Variants in DPYSL2 observed in about 807,000 individuals in gnomAD.
The protein encoded by DPYSL2 is dihydropyrimidinase like 2.
Under a neutral mutation model 69.9 loss-of-function variants are expected in DPYSL2, and 13 were observed. The observed-to-expected ratio is 0.19, with a 90% confidence interval of 0.12 to 0.30. The LOEUF (loss-of-function observed/expected upper bound fraction) is 0.30. DPYSL2 is among the 10% of genes least tolerant of loss of function. The probability of loss-of-function intolerance (pLI) is 1.00; values close to 1 mark genes in which losing one functional copy is unlikely to be tolerated. For missense variants in DPYSL2, 587 were observed against 918.9 expected (o/e 0.64, Z 4.67); for synonymous variants, 326 against 359.1 (o/e 0.91, Z 1.04).
chr8:26,641,429 G>T lies in DPYSL2; in HGVS notation c.1127-2010G>T, dbSNP rs1286814090. 6.6e-6 allele frequency among the ~76,000 whole-genome samples: 1 copy of T among 152,218 alleles called. No individual in the cohort carries two copies. The highest frequency in any genetic ancestry group is 1.5e-5 in the Non-Finnish European group (1 of 68,034). On this transcript the variant is annotated intron_variant, in intron 8 of 13. Coordinates refer to ENST00000521913, the MANE Select transcript of DPYSL2 (RefSeq NM_001197293.3). The surrounding 1 kb of genome is among the most constrained non-coding windows in gnomAD (Gnocchi z 4.1). ...AGGAGAGTTTTGCTTAACCAGATCT[G>T]TTTGATCCTTGAACCAAAAGCGGGG...
rs903774152 is a variant in DPYSL2, at chr8:26,514,281, AGACG to A, written c.-31_-28del. The A allele has an allele frequency of 3.6e-5, 51 of 1,406,556 alleles. No individual in the cohort carries two copies. Among genetic ancestry groups the A allele is most frequent in the Admixed American group, 1.8e-4 (6 of 33,908 alleles). The allele number at this position is 1,406,556 out of a possible 1,614,324, so 87.1% of individuals were successfully genotyped here. A position where few individuals can be genotyped will look rare whatever the true frequency, so the allele number is the denominator to read the frequency against. ...CAGCGAGGGAGACTTAGGGACTGGC[AGACG>A]GACGGACGGACGGCGAGGACCCTAC... On this transcript the variant is annotated 5_prime_UTR_variant, in exon 1 of 14. Transcript: ENST00000521913. The surrounding 1 kb of genome is among the most constrained non-coding windows in gnomAD (Gnocchi z 8.4).
At chr8:26,534,407 C>G (rs556951737) in intron 1 of DPYSL2, among the ~76,000 whole-genome samples, 2 of 152,132 alleles carry the variant, frequency 1.3e-5, no homozygotes, top group African/African-American at 2.4e-5. Context: ...GATCCACCCC[C>G]CTTACCCTCC....
At chr8:26,553,398 G>A (rs1232108133) in intron 1 of DPYSL2, among the ~76,000 whole-genome samples, 2 of 151,940 alleles carry the variant, frequency 1.3e-5, no homozygotes, top group Non-Finnish European at 2.9e-5. Context: ...CCTTAAGTAG[G>A]CCACAGTGTC....
At chr8:26,532,995 G>A (rs920881703) in intron 1 of DPYSL2, among the ~76,000 whole-genome samples, 11 of 152,164 alleles carry the variant, frequency 7.2e-5, no homozygotes, top group Non-Finnish European at 1.6e-4. Flanking sequence ...GTGTATGAGG[G>A]TTAGTGTATG....
In DPYSL2 at chr8:26,652,784, G is replaced by A. The variant is rs555342186; in HGVS notation, c.1776+348G>A. 6.6e-6 allele frequency among the ~76,000 whole-genome samples: 1 copy of A among 152,282 alleles called. No individual in the cohort carries two copies. Among genetic ancestry groups the A allele is most frequent in the East Asian group, 1.9e-4 (1 of 5,190 alleles). ...AGTAGGAGTTTGTCAAGTCAAAGAA[G>A]GGAGATGAGGGAATTTGATAAGAGT... On this transcript the variant is annotated intron_variant, in intron 12 of 13. Transcript: ENST00000521913. This position sits in a 1 kb window ranked among gnomAD's most constrained non-coding sequence, Gnocchi z 6.3.
intron 8 of DPYSL2, among the ~76,000 whole-genome samples, chr8:26,639,031 C>T (rs946224309): frequency 6.6e-6 from 1 of 152,190 alleles, no homozygotes; most frequent in Non-Finnish European, 1.5e-5. Flanking sequence ...TCTCCCATAA[C>T]CCGGGTGCAG....
intron 1 of DPYSL2, among the ~76,000 whole-genome samples, chr8:26,579,058 G>A (rs1198720807): frequency 6.6e-6 from 1 of 152,224 alleles, no homozygotes; most frequent in Non-Finnish European, 1.5e-5. Flanking sequence ...CGCTCAGGAG[G>A]CGTCCGTGTT....
intron 3 of DPYSL2, among the ~76,000 whole-genome samples, chr8:26,606,812 C>A (rs559704681): frequency 6.6e-6 from 1 of 152,058 alleles, no homozygotes; most frequent in African/African-American, 2.4e-5. Flanking sequence ...ATACTTCAGG[C>A]AAATATGATA....
chr8:26,643,713 C>T lies in DPYSL2; in HGVS notation c.1283+118C>T. On this transcript the variant is annotated intron_variant, in intron 9 of 13. Transcript: ENST00000521913. The surrounding 1 kb of genome is among the most constrained non-coding windows in gnomAD (Gnocchi z 6.5). ...GCCATAAAACTGGGAGACCCTTGTT[C>T]ACCAAACTAGGTTGGCTACATGAGT... 2 of 1,453,240 alleles carry T rather than the reference C, an allele frequency of 1.4e-6. No homozygotes were observed. The highest frequency in any genetic ancestry group is 2.3e-5 in the East Asian group (1 of 43,320). 90.0% of individuals were successfully genotyped at this position (1,453,240 alleles called of 1,614,324 possible).
intron 3 of DPYSL2, among the ~76,000 whole-genome samples, chr8:26,594,170 T>G (rs895630417): frequency 7.2e-5 from 11 of 152,218 alleles, no homozygotes; most frequent in Non-Finnish European, 1.6e-4. Flanking sequence ...TTTCCACATG[T>G]GTAAAGTGGA....
chr8:26,615,862 A>C (rs1057174591), intron 3 of DPYSL2, among the ~76,000 whole-genome samples: 1 of 152,222 alleles, frequency 6.6e-6, no homozygotes, highest in African/African-American at 2.4e-5. Context: ...TATTTGTACA[A>C]GGCAAGTAGT....
chr8:26,529,122 C>T (rs2117608971), intron 1 of DPYSL2, among the ~76,000 whole-genome samples: 1 of 152,172 alleles, frequency 6.6e-6, no homozygotes, highest in East Asian at 1.9e-4. Context: ...CCCCAGATGG[C>T]AAAGCATCAG....
rs1382271023 is a variant in DPYSL2, at chr8:26,652,383, C to A, written c.1723C>A (p.Pro575Thr). 1 of 1,614,040 alleles carries A rather than the reference C, an allele frequency of 6.2e-7. No homozygotes were observed. Residue 575 changes from proline to threonine, a missense_variant, in exon 12 of 14, where the codon CCC (proline) becomes ACC (threonine). By Grantham distance (38) the Pro-to-Thr change is conservative. Around this residue, in one of 3 missense-constraint regions of DPYSL2, gnomAD observed 452 missense variants for 754.3 expected, o/e 0.60. Coordinates refer to ENST00000521913, the MANE Select transcript of DPYSL2 (RefSeq NM_001197293.3). This position sits in a 1 kb window ranked among gnomAD's most constrained non-coding sequence, Gnocchi z 6.3. ...HVTEGSGRYI[P>T]RKPFPDFVYK... ...CACCGAAGGCTCTGGACGCTACATTCCCCGGAAGCCCTTCCCTGATTTTGT... is the reference window on the plus strand; with the variant it reads ...CACCGAAGGCTCTGGACGCTACATTACCCGGAAGCCCTTCCCTGATTTTGT...
rs886215498 is a variant in DPYSL2 at position 26,580,239 on chromosome 8, A to G, written c.355-1730A>G. On this transcript the variant is annotated intron_variant, in intron 1 of 13. Transcript: ENST00000521913. This position sits in a 1 kb window ranked among gnomAD's most constrained non-coding sequence, Gnocchi z 4.1. ...ATATTTATTCCATGGAAGCTTAGAG[A>G]TCTGGGAGAGAAGTGGAGGTCATTG... Among the ~76,000 whole-genome samples the G allele has an allele frequency of 1.3e-5, 2 of 152,106 alleles. No individual in the cohort carries two copies. Among genetic ancestry groups the G allele is most frequent in the African/African-American group, 4.8e-5 (2 of 41,416 alleles).
intron 1 of DPYSL2, among the ~76,000 whole-genome samples, chr8:26,553,094 A>T (rs1052678264): frequency 6.6e-6 from 1 of 152,192 alleles, no homozygotes; most frequent in African/African-American, 2.4e-5. Context: ...AATCTACCTA[A>T]ACTCACACAA....
chr8:26,581,234 C>T (rs1011847751), intron 1 of DPYSL2, among the ~76,000 whole-genome samples: 1 of 152,196 alleles, frequency 6.6e-6, no homozygotes, highest in Non-Finnish European at 1.5e-5. Flanking sequence ...TATCCCGTGA[C>T]AGCAGACTTT....
At chr8:26,558,281 G>A (rs939015929) in intron 1 of DPYSL2, among the ~76,000 whole-genome samples, 1 of 152,126 alleles carries the variant, frequency 6.6e-6, no homozygotes, top group Non-Finnish European at 1.5e-5. Context: ...TGAGCTACAA[G>A]CCATTAAAAG....
chr8:26,647,697 A>G lies in DPYSL2; in HGVS notation c.1493A>G (p.Asn498Ser), dbSNP rs761652144. ...VTSTNAAKVF[N>S]LYPRKGRIAV... ...AGCACCAATGCAGCCAAAGTCTTCA[A>G]CCTTTACCCCCGGAAAGGCCGCATT... is the stretch of plus-strand genomic sequence containing the variant. The change falls in exon 11 of 14, where the codon AAC (asparagine) becomes AGC (serine). Residue 498 changes from asparagine (N) to serine (S), a missense_variant. By Grantham distance (46) the Asn-to-Ser change is conservative. Transcript: ENST00000521913. The surrounding 1 kb of genome is among the most constrained non-coding windows in gnomAD (Gnocchi z 5.1). 1.2e-6 allele frequency: 2 copies of G among 1,614,160 alleles called. No individual in the cohort carries two copies. The highest frequency in any genetic ancestry group is 1.7e-6 in the Non-Finnish European group (2 of 1,180,024).
At chr8:26,584,613 C>CTTTTTT (rs35587383) in intron 3 of DPYSL2, among the ~76,000 whole-genome samples, 11 of 100,148 alleles carry the variant, frequency 1.1e-4, no homozygotes, top group African/African-American at 1.6e-4. Flanking sequence ...GGGCTTTGTG[C>CTTTTTT]TTTTTTTTTT....
Sources: gnomAD v4.1 joint callset for allele counts (sites outside exome capture counted in the v4.1 genomes callset) on GRCh38, gnomAD v4.1.1 for gene constraint, gnomAD v4.1.1 regional missense constraint, Gnocchi (gnomAD v3.1) non-coding constraint, MANE v1.5 for transcripts, NCBI Gene and HGNC (gene_info 2026-07-23, HGNC 2026-07-21) for gene names.